FAM53A: variants seen among roughly 807,000 people sequenced by gnomAD.
FAM53A encodes family with sequence similarity 53 member A.
Under a neutral mutation model 26.6 loss-of-function variants are expected in FAM53A, and 28 were observed. The ratio of observed to expected loss-of-function variants is 1.05; its 90% CI spans 0.78 to 1.45. FAM53A has a LOEUF of 1.45. Among genes scored for constraint, FAM53A ranks in the 40% most tolerant of loss-of-function variants. The pLI, the probability that FAM53A is intolerant of heterozygous loss-of-function variation, is 0.00. For missense variants in FAM53A, 650 were observed against 575.8 expected (o/e 1.13, Z -1.32); for synonymous variants, 290 against 253.1 (o/e 1.15, Z -1.38).
chr4:1,685,537 G>C (rs902312219), upstream of FAM53A, among the ~76,000 whole-genome samples: 4 of 152,104 alleles, frequency 2.6e-5, no homozygotes, highest in African/African-American at 9.7e-5. Context: ...AGGCATCGGG[G>C]CTCCCAGGGG....
chr4:1,649,200 A>AG (rs1712531180), intron 4 of FAM53A, among the ~76,000 whole-genome samples: 1 of 95,904 alleles, frequency 1.0e-5, no homozygotes, highest in African/African-American at 3.6e-5. Flanking sequence ...GGAAGGGGAA[A>AG]GGGAAAGGGA....
intron 2 of FAM53A, among the ~76,000 whole-genome samples, chr4:1,663,051 T>C (rs1713959092): frequency 6.6e-6 from 1 of 151,646 alleles, no homozygotes; most frequent in South Asian, 2.1e-4. Context: ...TACAAAAAAT[T>C]AGCTGGGAGT....
At chr4:1,585,566 G>C in the FAM53A span, among the ~76,000 whole-genome samples, 60 of 152,110 alleles carry the variant, frequency 3.9e-4, 1 homozygote, top group African/African-American at 1.3e-3. Flanking sequence ...TTACAGGTGT[G>C]AGCCACTGCA....
chr4:1,614,230 G>C (rs1714724724), downstream of FAM53A, among the ~76,000 whole-genome samples: 1 of 152,158 alleles, frequency 6.6e-6, no homozygotes. Context: ...TTGTGGAAAG[G>C]GTGTCTGCAG....
intron 4 of FAM53A, among the ~76,000 whole-genome samples, chr4:1,643,443 G>A (rs894173751): frequency 1.3e-5 from 2 of 151,994 alleles, no homozygotes; most frequent in African/African-American, 4.8e-5. Context: ...TCCAGCCTGG[G>A]AGACAGAGTG....
At chr4:1,579,339 C>G in the FAM53A span, among the ~76,000 whole-genome samples, 1 of 151,802 alleles carries the variant, frequency 6.6e-6, no homozygotes, top group Non-Finnish European at 1.5e-5. Context: ...CGTGGGAGGC[C>G]CCTCCCTACC....
At chr4:1,656,653 C>T (rs1427088905) in intron 3 of FAM53A, among the ~76,000 whole-genome samples, 2 of 152,158 alleles carry the variant, frequency 1.3e-5, no homozygotes, top group Non-Finnish European at 2.9e-5. Context: ...GTGAGGACAT[C>T]GCACCACAGG....
At chr4:1,660,447 G>A (rs919878229) in intron 2 of FAM53A, among the ~76,000 whole-genome samples, 1 of 151,732 alleles carries the variant, frequency 6.6e-6, no homozygotes, top group Non-Finnish European at 1.5e-5. Context: ...AAAAAAAGCA[G>A]ATATGATGGC....
At chr4:1,644,877 CTGACG>C (rs928667820) in intron 4 of FAM53A, 1 of 153,742 alleles carries the variant, frequency 6.5e-6, no homozygotes, top group Non-Finnish European at 1.4e-5. Context: ...ACGAGCTGAC[CTGACG>C]TCACTCAGCA....
intron 1 of FAM53A, among the ~76,000 whole-genome samples, chr4:1,618,965 C>A (rs1488312471): frequency 6.6e-6 from 1 of 152,202 alleles, no homozygotes; most frequent in Admixed American, 6.5e-5. Context: ...AACCTGCACC[C>A]AACCCAGCAA....
chr4:1,679,386 CAA>C (rs34354638), intron 1 of FAM53A, among the ~76,000 whole-genome samples: 22 of 61,196 alleles, frequency 3.6e-4, no homozygotes, highest in Admixed American at 8.4e-4. Flanking sequence ...ACCATGTCTC[CAA>C]AAAAAAAAAA....
At chr4:1,615,685 T>C (rs1433445668), downstream of FAM53A, among the ~76,000 whole-genome samples, 1 of 152,222 alleles carries the variant, frequency 6.6e-6, no homozygotes, top group Non-Finnish European at 1.5e-5. Context: ...ACACAGGGGA[T>C]GGCCCGAATT....
At chr4:1,634,337 C>A (rs2108781181) in intron 1 of FAM53A, among the ~76,000 whole-genome samples, 1 of 152,216 alleles carries the variant, frequency 6.6e-6, no homozygotes, top group Admixed American at 6.5e-5. Context: ...GCCCCCACAA[C>A]CCCTCCACAC....
chr4:1,621,100 A>ATTTTTTTT (rs1560106132), intron 1 of FAM53A, among the ~76,000 whole-genome samples: 1 of 77,260 alleles, frequency 1.3e-5, no homozygotes, highest in African/African-American at 5.5e-5. Flanking sequence ...CAGCTACGCT[A>ATTTTTTTT]CTTTTTTTTT....
chr4:1,673,376 C>T (rs374287157), intron 1 of FAM53A, among the ~76,000 whole-genome samples: 1 of 152,218 alleles, frequency 6.6e-6, no homozygotes, highest in African/African-American at 2.4e-5. Context: ...AGGGTCTGCA[C>T]GCCCTCGACA....
At chr4:1,614,389 G>A (rs185000428), downstream of FAM53A, among the ~76,000 whole-genome samples, 138 of 140,572 alleles carry the variant, frequency 9.8e-4, no homozygotes, top group African/African-American at 3.8e-3. Context: ...ATGCAGAGAC[G>A]TGAGGGGCAT....
At chr4:1,631,923 G>C (rs952192881) in intron 1 of FAM53A, among the ~76,000 whole-genome samples, 2 of 152,172 alleles carry the variant, frequency 1.3e-5, no homozygotes, top group African/African-American at 2.4e-5. Flanking sequence ...AACACTTTGG[G>C]AGGCCAAGAT....
chr4:1,652,172 C>T (rs371975825), intron 4 of FAM53A, among the ~76,000 whole-genome samples: 3 of 144,288 alleles, frequency 2.1e-5, no homozygotes, highest in South Asian at 4.5e-4. Flanking sequence ...ACACCCCACA[C>T]GCCACACACA....
At chr4:1,576,433 C>T in the FAM53A span, among the ~76,000 whole-genome samples, 940 of 152,326 alleles carry the variant, frequency 6.2e-3, 8 homozygotes, top group African/African-American at 0.022. Context: ...TGCAGCACAG[C>T]GACGTGTCCT....
Sources: allele counts gnomAD v4.1 joint callset (sites outside exome capture counted in the v4.1 genomes callset), GRCh38; gene constraint gnomAD v4.1.1; transcripts MANE v1.5; gene names NCBI Gene and HGNC (gene_info 2026-07-23, HGNC 2026-07-21).